Variants in BMPR1A observed in about 807,000 individuals in gnomAD.
BMPR1A encodes bone morphogenetic protein receptor type 1A, also known as bone morphogenetic protein receptor type-1A.
BMPR1A carries 7 observed loss-of-function variants against 66.0 expected under a neutral mutation model. That is an observed-to-expected ratio of 0.11 (90% CI 0.06 to 0.20). The LOEUF (loss-of-function observed/expected upper bound fraction) is 0.20. Among genes scored for constraint, BMPR1A ranks in the 10% least tolerant of loss-of-function variants. BMPR1A has a pLI of 1.00. For missense variants in BMPR1A, 408 were observed against 669.1 expected (o/e 0.61, Z 4.31); for synonymous variants, 200 against 229.7 (o/e 0.87, Z 1.17).
chr10:86,781,205 G>C (rs1841432754), intron 1 of BMPR1A, among the ~76,000 whole-genome samples: 1 of 152,126 alleles, frequency 6.6e-6, no homozygotes, highest in African/African-American at 2.4e-5. Context: ...GTTGATTTTT[G>C]TATAGGGTGA....
At chr10:86,901,773 A>G (rs1024821785) in intron 7 of BMPR1A, among the ~76,000 whole-genome samples, 1 of 152,190 alleles carries the variant, frequency 6.6e-6, no homozygotes, top group African/African-American at 2.4e-5. Flanking sequence ...TAATATCTCA[A>G]GGTGATTTTA....
chr10:86,904,248 C>T (rs762526124), intron 7 of BMPR1A, among the ~76,000 whole-genome samples: 40 of 152,140 alleles, frequency 2.6e-4, no homozygotes, highest in Admixed American at 2.6e-4. Flanking sequence ...TCTGAAAGCT[C>T]AGCAAACCCT....
intron 5 of BMPR1A, among the ~76,000 whole-genome samples, chr10:86,892,853 AC>A (rs1338347686): frequency 4.2e-5 from 6 of 142,106 alleles, no homozygotes; most frequent in East Asian, 2.0e-4. Context: ...ACAGAGCAAG[AC>A]CCTGTCTCAA....
chr10:86,832,942 G>A (rs1296976746), intron 1 of BMPR1A, among the ~76,000 whole-genome samples: 2 of 152,116 alleles, frequency 1.3e-5, no homozygotes, highest in African/African-American at 4.8e-5. Context: ...CCTGTGATAA[G>A]TTTATATATA....
Position 86,923,427 on chromosome 10 carries a change from C to T in BMPR1A, c.1394C>T (p.Pro465Leu), listed in dbSNP as rs1843695473. ...LPYYNMVPSD[P>L]SYEDMREVVC... is the part of the protein sequence containing the mutation. ...TATTACAACATGGTACCGAGTGATC[C>T]GTCATACGAAGATATGCGTGAGGTT... The change falls in exon 12 of 13, where the codon CCG (proline) becomes CTG (leucine). Residue 465 changes from proline to leucine, a missense_variant. Around this residue, in one of 5 missense-constraint regions of BMPR1A, gnomAD observed 130 missense variants for 257.3 expected, o/e 0.51. Transcript: ENST00000372037. 4 of 1,614,104 alleles carry T rather than the reference C, an allele frequency of 2.5e-6. No individual in the cohort carries two copies. The highest frequency in any genetic ancestry group is 2.2e-5 in the East Asian group (1 of 44,876).
At chr10:86,783,541 A>T (rs1237859052) in intron 1 of BMPR1A, among the ~76,000 whole-genome samples, 1 of 152,184 alleles carries the variant, frequency 6.6e-6, no homozygotes, top group Non-Finnish European at 1.5e-5. Context: ...TTTTTAGTGT[A>T]CAAGTCTTTT....
At chr10:86,801,861 C>T (rs552477238) in intron 1 of BMPR1A, among the ~76,000 whole-genome samples, 4 of 152,092 alleles carry the variant, frequency 2.6e-5, no homozygotes, top group East Asian at 3.9e-4. Context: ...TACAGGCACC[C>T]GCCACCATGC....
At chr10:86,756,368 A>C (rs1286412806), upstream of BMPR1A, 1 of 152,022 alleles carries the variant, frequency 6.6e-6, no homozygotes, top group Non-Finnish European at 1.5e-5. Context: ...CCGCACCAGC[A>C]GCTCGGCGCC....
intron 10 of BMPR1A, among the ~76,000 whole-genome samples, chr10:86,919,689 T>C (rs1843633711): frequency 7.2e-6 from 1 of 139,612 alleles, no homozygotes; most frequent in Admixed American, 6.9e-5. Context: ...GTGTTTTTTT[T>C]TGTTTGTTTT....
intron 1 of BMPR1A, among the ~76,000 whole-genome samples, chr10:86,806,644 CA>C (rs1841892305): frequency 6.6e-6 from 1 of 152,124 alleles, no homozygotes; most frequent in Non-Finnish European, 1.5e-5. Context: ...CTTCACCTCC[CA>C]GACTCAGTTG....
rs1842785864 is a variant in BMPR1A at position 86,866,399 on chromosome 10, C to CTTTTTTTTTTTTCTTTTTTTTTTTT, written c.-152-9456_-152-9455insCTTTTTTTTTTTTTTTTTTTTTTTT. On this transcript the variant is annotated intron_variant, in intron 2 of 12. Transcript: ENST00000372037. ...TGTGTTAAGTTGGGCAAGTTTCTTT[C>CTTTTTTTTTTTTCTTTTTTTTTTTT]TTTTTTTTTTTTTTTTTTTTTTTTT... is the stretch of plus-strand genomic sequence containing the variant. 2.9e-5 allele frequency among the ~76,000 whole-genome samples: 2 copies of CTTTTTTTTTTTTCTTTTTTTTTTTT among 69,476 alleles called. 1 individual carries two copies. The highest frequency in any genetic ancestry group is 1.1e-4 in the African/African-American group (2 of 18,794). The allele number at this position is 69,476 out of a possible 152,430, so 45.6% of individuals were successfully genotyped here.
rs559136109 is a variant in BMPR1A, at chr10:86,827,842, T to G, written c.-267-11023T>G. The stretch of plus-strand genomic sequence containing the variant: ...CAGGTATGTCATCTCTCCCTTCTCC[T>G]TAAAGTGGCCTTTAAAGAAAAAAGT... On this transcript the variant is annotated intron_variant, in intron 1 of 12. Transcript: ENST00000372037. Among the ~76,000 whole-genome samples, 12 of 152,314 alleles carry G rather than the reference T, an allele frequency of 7.9e-5. No individual in the cohort carries two copies. The South Asian group carries it at 1.2e-3, about 16-fold the overall frequency.
At chr10:86,797,366 G>C (rs1029641941) in intron 1 of BMPR1A, among the ~76,000 whole-genome samples, 2 of 151,818 alleles carry the variant, frequency 1.3e-5, no homozygotes, top group African/African-American at 4.8e-5. Flanking sequence ...GAGTAGCTGG[G>C]ATTACAGGCG....
At chr10:86,911,843 A>AG (rs1304882617) in intron 7 of BMPR1A, among the ~76,000 whole-genome samples, 3 of 152,202 alleles carry the variant, frequency 2.0e-5, no homozygotes, top group Non-Finnish European at 4.4e-5. Context: ...TAGTAACCAG[A>AG]GGAAAGCATA....
intron 1 of BMPR1A, among the ~76,000 whole-genome samples, chr10:86,824,865 T>C (rs1424634476): frequency 6.6e-6 from 1 of 152,154 alleles, no homozygotes; most frequent in Non-Finnish European, 1.5e-5. Context: ...TGTAATTAGT[T>C]TTTCAGGAAA....
At chr10:86,841,741 A>G (rs569053709) in intron 2 of BMPR1A, among the ~76,000 whole-genome samples, 2 of 152,330 alleles carry the variant, frequency 1.3e-5, no homozygotes, top group Middle Eastern at 3.4e-3. Flanking sequence ...AGACTAAGGC[A>G]GGATTAGAGT....
intron 2 of BMPR1A, among the ~76,000 whole-genome samples, chr10:86,868,027 A>C (rs1842806996): frequency 6.6e-6 from 1 of 152,182 alleles, no homozygotes; most frequent in South Asian, 2.1e-4. Context: ...TGGTAACTTC[A>C]AAGTGGTGGA....
intron 2 of BMPR1A, chr10:86,855,881 G>A (rs1484900919): frequency 9.9e-6 from 7 of 704,782 alleles, no homozygotes; most frequent in Non-Finnish European, 1.8e-5. Context: ...ACAATTGCTA[G>A]AAGATTCATA....
intron 4 of BMPR1A, among the ~76,000 whole-genome samples, chr10:86,891,499 C>G (rs1843149577): frequency 1.3e-5 from 2 of 152,036 alleles, no homozygotes; most frequent in South Asian, 4.1e-4. Context: ...GAAATTTCTC[C>G]CATACCTGTT....
Sources: allele counts gnomAD v4.1 joint callset (sites outside exome capture counted in the v4.1 genomes callset), GRCh38; gene constraint gnomAD v4.1.1; regional missense constraint gnomAD v4.1.1; transcripts MANE v1.5; gene names NCBI Gene and HGNC (gene_info 2026-07-23, HGNC 2026-07-21).